Variants in SEPTIN7 observed in about 807,000 individuals in gnomAD.
SEPTIN7 encodes septin 7, also known as septin-7.
In SEPTIN7, 10 loss-of-function variants were observed where a neutral mutation model predicts 63.3. The ratio of observed to expected loss-of-function variants is 0.16; its 90% confidence interval spans 0.10 to 0.27. The LOEUF (loss-of-function observed/expected upper bound fraction) is 0.27, where lower values mean the gene tolerates loss of function less well. Ranked by LOEUF, SEPTIN7 falls within the 10% of genes least tolerant of loss-of-function variation. SEPTIN7 has a pLI of 1.00. For missense variants in SEPTIN7, 310 were observed against 521.0 expected (o/e 0.59, Z 3.94); for synonymous variants, 131 against 165.3 (o/e 0.79, Z 1.59).
At chr7:35,880,702 T>G (rs1216425668) in intron 7 of SEPTIN7, among the ~76,000 whole-genome samples, 1 of 152,080 alleles carries the variant, frequency 6.6e-6, no homozygotes, top group African/African-American at 2.4e-5. Context: ...TTGTTTTCAG[T>G]GCACTTTACG....
rs1788527050 is a variant in SEPTIN7, at chr7:35,904,851, TA to T, written c.*559del. 6.6e-6 allele frequency: 1 copy of T among 152,576 alleles called. No individual in the cohort carries two copies. The highest frequency in any genetic ancestry group is 1.5e-5 in the Non-Finnish European group (1 of 68,012). 9.5% of individuals were successfully genotyped at this position (152,576 alleles called of 1,614,324 possible). A position where few individuals can be genotyped will look rare whatever the true frequency, so the allele number is the denominator to read the frequency against. On this transcript the variant is annotated 3_prime_UTR_variant, in exon 14 of 14. Transcript: ENST00000350320. ...GCTTACTGTGCACCTAGAGCTTTTT[TA>T]TAACAACGTCTTTTTGTTTGTTTGT...
At chr7:35,889,631 C>T (rs1438488272) in intron 10 of SEPTIN7, among the ~76,000 whole-genome samples, 1 of 152,136 alleles carries the variant, frequency 6.6e-6, no homozygotes, top group Non-Finnish European at 1.5e-5. Context: ...GCAACCTCCA[C>T]TTCCTGGGTT....
chr7:35,842,671 G>A lies in SEPTIN7; in HGVS notation c.169+9771G>A, dbSNP rs150978531. ...CAAAGTATTTTATATAATTAGAAGT[G>A]TACGTCATTATTTACTGCACATGAT... is the stretch of plus-strand genomic sequence containing the variant. On this transcript the variant is annotated intron_variant, in intron 3 of 13. Transcript: ENST00000350320. 1.4e-4 allele frequency among the ~76,000 whole-genome samples: 22 copies of A among 152,292 alleles called. No individual in the cohort carries two copies. In the East Asian group the frequency reaches 4.2e-3, roughly 29 times the overall value.
chr7:35,858,689 T>C (rs994106972), intron 3 of SEPTIN7, among the ~76,000 whole-genome samples: 9 of 149,344 alleles, frequency 6.0e-5, no homozygotes, highest in African/African-American at 2.2e-4. Context: ...TTCTTTTTTT[T>C]TTTTTTTTGA....
At chr7:35,849,625 CG>C (rs1433627977) in intron 3 of SEPTIN7, among the ~76,000 whole-genome samples, 1 of 152,168 alleles carries the variant, frequency 6.6e-6, no homozygotes, top group East Asian at 1.9e-4. Context: ...CAAAGAATAG[CG>C]CCCTCCCTTG....
At chr7:35,817,246 G>T (rs1481431058) in intron 1 of SEPTIN7, among the ~76,000 whole-genome samples, 7 of 151,892 alleles carry the variant, frequency 4.6e-5, no homozygotes. Flanking sequence ...CGTGAGATAG[G>T]AGTCATTCTT....
intron 8 of SEPTIN7, 21 bp from the exon 9 acceptor site, chr7:35,883,870 C>T: frequency 1.4e-6 from 2 of 1,441,920 alleles, no homozygotes; most frequent in Non-Finnish European, 1.9e-6. Context: ...TGTATTTGAA[C>T]AAGAATACTT....
intron 1 of SEPTIN7, among the ~76,000 whole-genome samples, chr7:35,804,827 C>CTTTTTTTTT (rs1295875115): frequency 1.6e-5 from 2 of 123,640 alleles, no homozygotes; most frequent in Non-Finnish European, 1.7e-5. Context: ...AAGCGTGTTT[C>CTTTTTTTTT]TTTTTTTGTT....
At chr7:35,827,433 G>T (rs1250345642) in intron 1 of SEPTIN7, among the ~76,000 whole-genome samples, 1 of 152,048 alleles carries the variant, frequency 6.6e-6, no homozygotes, top group East Asian at 1.9e-4. Context: ...TAGAATTTAG[G>T]GTATGGAAAA....
chr7:35,908,668 A>G (rs1459317028), downstream of SEPTIN7, among the ~76,000 whole-genome samples: 1 of 152,212 alleles, frequency 6.6e-6, no homozygotes, highest in East Asian at 1.9e-4. Context: ...AGACACTACC[A>G]ACAAACTTCC....
At chr7:35,863,823 G>A (rs1785651616) in intron 4 of SEPTIN7, among the ~76,000 whole-genome samples, 165 bp downstream of exon 4, 1 of 150,828 alleles carries the variant, frequency 6.6e-6, no homozygotes, top group Non-Finnish European at 1.5e-5. Flanking sequence ...AAAAAGTACA[G>A]TTCATCAGAA....
intron 1 of SEPTIN7, chr7:35,815,000 A>T (rs1016407307): frequency 2.1e-5 from 4 of 191,856 alleles, no homozygotes; most frequent in East Asian, 1.7e-4. Flanking sequence ...AAAAAAAAAA[A>T]GCTGGGATTC....
chr7:35,832,111 G>T, intron 2 of SEPTIN7: 1 of 454,208 alleles, frequency 2.2e-6, no homozygotes, highest in Non-Finnish European at 4.4e-6. Flanking sequence ...AACTATTGTT[G>T]AGGTCATCTA....
Position 35,880,223 on chromosome 7 carries a change from C to CTT in SEPTIN7, c.630+302_630+303dup. On this transcript the variant is annotated intron_variant, in intron 7 of 13. Transcript: ENST00000350320. The stretch of plus-strand genomic sequence containing the variant: ...CTTTTCTTTTCTTTTTTTTTCTTTT[C>CTT]TTTTTTTTTTTTTTTTTTTTGAATT... 4.5e-3 allele frequency among the ~76,000 whole-genome samples: 324 copies of CTT among 72,750 alleles called. 2 individuals carry two copies. Among genetic ancestry groups the CTT allele is most frequent in the African/African-American group, 0.018 (309 of 16,738 alleles). The allele number at this position is 72,750 out of a possible 152,430, so 47.7% of individuals were successfully genotyped here. A position where few individuals can be genotyped will look rare whatever the true frequency, so the allele number is the denominator to read the frequency against.
At chr7:35,819,112 AT>A (rs1401581460) in intron 1 of SEPTIN7, among the ~76,000 whole-genome samples, 3 of 152,012 alleles carry the variant, frequency 2.0e-5, no homozygotes, top group African/African-American at 7.2e-5. Flanking sequence ...CTAAGCACTG[AT>A]TTAGCTGCAT....
chr7:35,859,950 T>C (rs1785414474), intron 3 of SEPTIN7, among the ~76,000 whole-genome samples: 2 of 152,178 alleles, frequency 1.3e-5, no homozygotes, highest in African/African-American at 4.8e-5. Flanking sequence ...GTGCCTTTAA[T>C]TGGGAGAGTT....
At chr7:35,819,879 A>G (rs1187481770) in intron 1 of SEPTIN7, among the ~76,000 whole-genome samples, 2 of 151,898 alleles carry the variant, frequency 1.3e-5, no homozygotes, top group African/African-American at 4.8e-5. Context: ...TTACCTTTTG[A>G]TTGGAGTCCT....
At chr7:35,861,624 T>C (rs1257471264) in intron 3 of SEPTIN7, among the ~76,000 whole-genome samples, 1 of 152,164 alleles carries the variant, frequency 6.6e-6, no homozygotes, top group Admixed American at 6.5e-5. Flanking sequence ...ACTCAGATGG[T>C]CTATTGTATC....
At chr7:35,826,220 T>C (rs1394794524) in intron 1 of SEPTIN7, among the ~76,000 whole-genome samples, 2 of 151,938 alleles carry the variant, frequency 1.3e-5, no homozygotes, top group Non-Finnish European at 2.9e-5. Context: ...CAGACACATA[T>C]CTGTGTATGA....
Sources: gnomAD v4.1 joint callset for allele counts (sites outside exome capture counted in the v4.1 genomes callset) on GRCh38, gnomAD v4.1.1 for gene constraint, MANE v1.5 for transcripts, NCBI Gene and HGNC (gene_info 2026-07-23, HGNC 2026-07-21) for gene names.